Variants in CSMD2 observed in about 807,000 individuals in gnomAD.
The protein encoded by CSMD2 is CUB and sushi domain-containing protein 2.
In CSMD2, 130 loss-of-function variants were observed where a neutral mutation model predicts 398.5. The ratio of observed to expected loss-of-function variants is 0.33; its 90% CI spans 0.28 to 0.38. CSMD2 has a LOEUF of 0.38. Among genes scored for constraint, CSMD2 ranks in the 10% least tolerant of loss-of-function variants. The pLI, the probability that CSMD2 is intolerant of heterozygous loss-of-function variation, is 1.00. For missense variants in CSMD2, 3,829 were observed against 4,764.9 expected (o/e 0.80, Z 5.78); for synonymous variants, 1,828 against 1,908.5 (o/e 0.96, Z 1.10).
At chr1:33,732,277 A>C (rs1185712443) in intron 15 of CSMD2, among the ~76,000 whole-genome samples, 1 of 152,222 alleles carries the variant, frequency 6.6e-6, no homozygotes, top group Non-Finnish European at 1.5e-5. Context: ...TGAAGGAATG[A>C]AATACTGGTT....
intron 62 of CSMD2, among the ~76,000 whole-genome samples, chr1:33,535,139 T>C (rs1000435506): frequency 1.3e-5 from 2 of 152,202 alleles, no homozygotes; most frequent in Non-Finnish European, 2.9e-5. Flanking sequence ...AAAAATTATG[T>C]GATATCCGAC....
chr1:33,989,832 G>A (rs1199514193), intron 3 of CSMD2, among the ~76,000 whole-genome samples: 1 of 152,198 alleles, frequency 6.6e-6, no homozygotes, highest in Non-Finnish European at 1.5e-5. Context: ...GTTACCTGCG[G>A]TCAGGGATGG....
intron 1 of CSMD2, among the ~76,000 whole-genome samples, chr1:34,110,155 CA>C (rs748315257): frequency 1.3e-5 from 2 of 150,820 alleles, no homozygotes; most frequent in African/African-American, 2.4e-5. Context: ...TACCATCTTA[CA>C]GCACCCAGAA....
chr1:33,750,245 A>T (rs967363066), intron 13 of CSMD2, among the ~76,000 whole-genome samples: 1 of 152,172 alleles, frequency 6.6e-6, no homozygotes, highest in Non-Finnish European at 1.5e-5. Flanking sequence ...AACCATTGCA[A>T]GATCCATCTG....
upstream of CSMD2, chr1:34,165,785 G>T: frequency 6.2e-7 from 1 of 1,613,894 alleles, no homozygotes; most frequent in Non-Finnish European, 8.5e-7. Flanking sequence ...TTGCCATCTA[G>T]GGCCGGGGGC....
rs541112048 is a variant in CSMD2, at chr1:34,012,601, C to T, written c.517+19993G>A. On this transcript the variant is annotated intron_variant, in intron 3 of 70. Transcript: ENST00000373381. Reference sequence around the variant, plus strand: ...TGACTACAGGCATGCACCACCACGCCCGGCTAATGTTTGTAATTTTATTAA... The same window carrying T: ...TGACTACAGGCATGCACCACCACGCTCGGCTAATGTTTGTAATTTTATTAA... Among the ~76,000 whole-genome samples, 30 of 152,168 alleles carry T rather than the reference C, an allele frequency of 2.0e-4. No individual in the cohort carries two copies. The South Asian group carries it at 5.0e-3, about 25-fold the overall frequency.
At chr1:34,044,113 CTA>C (rs1652201161) in intron 2 of CSMD2, among the ~76,000 whole-genome samples, 1 of 152,236 alleles carries the variant, frequency 6.6e-6, no homozygotes, top group African/African-American at 2.4e-5. Flanking sequence ...ATACTGAATC[CTA>C]TGAGTCCTAA....
At chr1:33,573,709 C>T (rs1272985197) in intron 49 of CSMD2, among the ~76,000 whole-genome samples, 2 of 152,084 alleles carry the variant, frequency 1.3e-5, no homozygotes, top group Non-Finnish European at 2.9e-5. Flanking sequence ...CTGTTCAGAG[C>T]TCCAAAAAGA....
At chr1:33,908,653 C>T (rs1449047719) in intron 5 of CSMD2, among the ~76,000 whole-genome samples, 1 of 152,252 alleles carries the variant, frequency 6.6e-6, no homozygotes. Flanking sequence ...CTGCTCCTCC[C>T]AGCTGTGACT....
rs190255421 is a variant in CSMD2, at chr1:34,085,244, G to A, written c.404+3733C>T. Among the ~76,000 whole-genome samples the A allele has an allele frequency of 7.1e-3, 1,080 of 152,178 alleles. 22 individuals carry two copies. Among genetic ancestry groups the A allele is most frequent in the African/African-American group, 0.024 (1,010 of 41,500 alleles). On this transcript the variant is annotated intron_variant, in intron 2 of 70. Coordinates refer to ENST00000373381, the MANE Select transcript of CSMD2 (RefSeq NM_001281956.2). Reference sequence around the variant, plus strand: ...AGGGACTGTTGTGGGGTGGGGTTAGGGGGGAGGGATAGCATTGGGAGATAT... The same window carrying A: ...AGGGACTGTTGTGGGGTGGGGTTAGAGGGGAGGGATAGCATTGGGAGATAT...
At chr1:33,808,988 A>AC (rs397777231) in intron 10 of CSMD2, among the ~76,000 whole-genome samples, 1 of 150,796 alleles carries the variant, frequency 6.6e-6, no homozygotes, top group Non-Finnish European at 1.5e-5. Flanking sequence ...GAAAAAAAAA[A>AC]CAGATGACCA....
chr1:33,721,236 A>G (rs1471130224), intron 19 of CSMD2, among the ~76,000 whole-genome samples: 1 of 152,098 alleles, frequency 6.6e-6, no homozygotes, highest in African/African-American at 2.4e-5. Flanking sequence ...CTGCTCTATC[A>G]CATATTGGTC....
intron 3 of CSMD2, among the ~76,000 whole-genome samples, chr1:33,996,760 A>AGGGAGGAAAGGAAGGAGAAAAGGGC (rs1371964778): frequency 6.9e-6 from 1 of 145,710 alleles, no homozygotes; most frequent in African/African-American, 2.5e-5. Flanking sequence ...AAAGGAAGGA[A>AGGGAGGAAAGGAAGGAGAAAAGGGC]GGGAGGAAAG....
intron 2 of CSMD2, among the ~76,000 whole-genome samples, chr1:34,046,811 A>C (rs1198000754): frequency 6.6e-6 from 1 of 152,192 alleles, no homozygotes; most frequent in Non-Finnish European, 1.5e-5. Flanking sequence ...AAAATGCCTA[A>C]GACGTGGACT....
intron 1 of CSMD2, among the ~76,000 whole-genome samples, chr1:34,093,265 C>G (rs973518912): frequency 6.6e-6 from 1 of 152,152 alleles, no homozygotes; most frequent in Non-Finnish European, 1.5e-5. Flanking sequence ...TGTACATCGC[C>G]ATCATCAAAG....
intron 11 of CSMD2, among the ~76,000 whole-genome samples, chr1:33,790,808 T>C (rs566719321): frequency 8.5e-6 from 1 of 117,384 alleles, no homozygotes; most frequent in East Asian, 3.1e-4. Flanking sequence ...CTAATATCTA[T>C]CTATCTATCT....
chr1:33,760,311 A>G (rs1254237161), intron 13 of CSMD2, among the ~76,000 whole-genome samples: 2 of 152,192 alleles, frequency 1.3e-5, no homozygotes, highest in Non-Finnish European at 2.9e-5. Flanking sequence ...TGCATTCCTC[A>G]GTGGCTGGCT....
rs142071562 is a variant in CSMD2, at chr1:33,588,268, T to C, written c.6857-1100A>G. Among the ~76,000 whole-genome samples, 919 of 152,350 alleles carry C rather than the reference T, an allele frequency of 6.0e-3. 11 individuals carry two copies. Among genetic ancestry groups the C allele is most frequent in the African/African-American group, 0.021 (861 of 41,580 alleles). On this transcript the variant is annotated intron_variant, in intron 44 of 70. Coordinates refer to ENST00000373381, the MANE Select transcript of CSMD2 (RefSeq NM_001281956.2). ...GAAATAACTTCATAGGATTTAATCATACAGATTTACTAGAATGTATTTAAC... is the reference window on the plus strand; with the variant it reads ...GAAATAACTTCATAGGATTTAATCACACAGATTTACTAGAATGTATTTAAC...
intron 2 of CSMD2, among the ~76,000 whole-genome samples, chr1:34,052,840 C>T (rs1391279371): frequency 1.3e-5 from 2 of 152,024 alleles, no homozygotes; most frequent in Non-Finnish European, 2.9e-5. Flanking sequence ...AGGTCATTGG[C>T]AGCAAGCGCT....
Sources: gnomAD v4.1 joint callset for allele counts (sites outside exome capture counted in the v4.1 genomes callset) on GRCh38, gnomAD v4.1.1 for gene constraint, MANE v1.5 for transcripts, NCBI Gene and HGNC (gene_info 2026-07-23, HGNC 2026-07-21) for gene names.